ZNF827: variants seen among roughly 807,000 people sequenced by gnomAD.
ZNF827 encodes zinc finger protein 827.
In ZNF827, 13 loss-of-function variants were observed where a neutral mutation model predicts 102.4. That is an observed-to-expected ratio of 0.13 (90% confidence interval 0.08 to 0.20). The LOEUF is 0.20. Ranked by LOEUF, ZNF827 falls within the 10% of genes least tolerant of loss-of-function variation. The probability of loss-of-function intolerance (pLI) is 1.00; values close to 1 mark genes in which losing one functional copy is unlikely to be tolerated. For synonymous variants in ZNF827, 523 were observed against 536.2 expected, an observed-to-expected ratio of 0.98 and a Z score of 0.34; for missense variants, 1,103 against 1,344.4, an observed-to-expected ratio of 0.82 and a Z score of 2.81.
intron 1 of ZNF827, among the ~76,000 whole-genome samples, chr4:145,937,745 C>A (rs1463348248): frequency 1.4e-5 from 2 of 146,784 alleles, no homozygotes; most frequent in Non-Finnish European, 3.0e-5. Context: ...CTGCTCCAGC[C>A]GCCGCCGCCG....
rs1751454319 is a variant in ZNF827, at chr4:145,902,037, G to T, written c.1093+129C>A. 4.2e-6 allele frequency: 5 copies of T among 1,196,662 alleles called. No homozygotes were observed. The highest frequency in any genetic ancestry group is 5.7e-6 in the Non-Finnish European group (5 of 874,652). 74.1% of individuals were successfully genotyped at this position (1,196,662 alleles called of 1,614,324 possible). A position where few individuals can be genotyped will look rare whatever the true frequency, so the allele number is the denominator to read the frequency against. ...TATGCTGCTTACTTAAAGTATTTTT[G>T]TTGTGCTCTTGCTTTTTTATTCCTG... On this transcript the variant is annotated intron_variant, in intron 2 of 14. Coordinates refer to ENST00000508784, the MANE Select transcript of ZNF827 (RefSeq NM_001306215.2). The surrounding 1 kb of genome is among the most constrained non-coding windows in gnomAD (Gnocchi z 4.3).
At chr4:145,901,292 C>A (rs951859319) in intron 2 of ZNF827, among the ~76,000 whole-genome samples, 1 of 152,206 alleles carries the variant, frequency 6.6e-6, no homozygotes, top group Non-Finnish European at 1.5e-5. Context: ...GAAACCCCAA[C>A]ACGCATCCCA....
rs187990327 is a variant in ZNF827 at position 145,759,585 on chromosome 4, C to T, written c.*2031G>A. 1 of 152,218 alleles carries T rather than the reference C, an allele frequency of 6.6e-6. No homozygotes were observed. The highest frequency in any genetic ancestry group is 2.4e-5 in the African/African-American group (1 of 41,516). The allele number at this position is 152,218 out of a possible 1,614,324, so 9.4% of individuals were successfully genotyped here. A position where few individuals can be genotyped will look rare whatever the true frequency, so the allele number is the denominator to read the frequency against. ...ACTGAACCATAGGACTAAACAGCAC[C>T]TTTTTGTTGCGTCATTATATGTCAA... On this transcript the variant is annotated 3_prime_UTR_variant, in exon 15 of 15. Coordinates refer to ENST00000508784, the MANE Select transcript of ZNF827 (RefSeq NM_001306215.2).
chr4:145,894,909 T>A (rs918342956), intron 2 of ZNF827, among the ~76,000 whole-genome samples: 1 of 152,188 alleles, frequency 6.6e-6, no homozygotes, highest in African/African-American at 2.4e-5. Flanking sequence ...TCATGAAGAC[T>A]ACAAGATGAA....
chr4:145,794,391 G>T (rs1031562500), intron 8 of ZNF827, among the ~76,000 whole-genome samples: 21 of 152,142 alleles, frequency 1.4e-4, no homozygotes, highest in African/African-American at 4.6e-4. Context: ...AACATCTAGA[G>T]ATATTTACAT....
chr4:145,776,644 A>G (rs4583779), intron 9 of ZNF827, among the ~76,000 whole-genome samples: 118,254 of 151,884 alleles, frequency 0.78, 47,095 homozygotes, highest in African/African-American at 0.87. Context: ...TGTGTCAGTC[A>G]TGGGTGAGTG....
In ZNF827 at chr4:145,846,932, T is replaced by A. The variant is rs528934659; in HGVS notation, c.2222-919A>T. On this transcript the variant is annotated intron_variant, in intron 6 of 14. Coordinates refer to ENST00000508784, the MANE Select transcript of ZNF827 (RefSeq NM_001306215.2). ...ACTTTGGGAGGCCGAGGCAGGTGGA[T>A]CACCTGAGGTCAGGAGTTCAAGACC... Among the ~76,000 whole-genome samples the A allele has an allele frequency of 3.2e-3, 468 of 147,052 alleles. 1 individual carries two copies. The highest frequency in any genetic ancestry group is 0.011 in the African/African-American group (427 of 39,928).
At chr4:145,917,700 C>CAAAAAAAACA (rs1752757018) in intron 1 of ZNF827, among the ~76,000 whole-genome samples, 1 of 46,856 alleles carries the variant, frequency 2.1e-5, no homozygotes, top group African/African-American at 7.6e-5. Context: ...GGTAGCTGGT[C>CAAAAAAAACA]AAAAAAAAAA....
chr4:145,894,329 G>A (rs1024545227), intron 2 of ZNF827, among the ~76,000 whole-genome samples: 1 of 152,176 alleles, frequency 6.6e-6, no homozygotes, highest in East Asian at 1.9e-4. Flanking sequence ...AGTTACCACT[G>A]AAGGATTGTG....
chr4:145,912,941 T>A (rs1197207161), intron 1 of ZNF827, among the ~76,000 whole-genome samples: 8 of 152,212 alleles, frequency 5.3e-5, no homozygotes. Context: ...TTTCCTGAAT[T>A]TGTTCACCTC....
intron 4 of ZNF827, among the ~76,000 whole-genome samples, chr4:145,875,298 A>G: frequency 6.6e-6 from 1 of 152,178 alleles, no homozygotes; most frequent in East Asian, 1.9e-4. Flanking sequence ...TGAGGAAACT[A>G]AGGTCCTAAA....
intron 1 of ZNF827, among the ~76,000 whole-genome samples, chr4:145,923,068 A>G (rs1753189388): frequency 6.6e-6 from 1 of 152,206 alleles, no homozygotes; most frequent in South Asian, 2.1e-4. Context: ...CAAATGTCCA[A>G]CACAAGATGT....
chr4:145,826,510 C>T (rs943852398), intron 7 of ZNF827, among the ~76,000 whole-genome samples: 3 of 152,172 alleles, frequency 2.0e-5, no homozygotes, highest in African/African-American at 7.2e-5. Context: ...CAGTTATCCA[C>T]AGTACAGTAC....
chr4:145,899,805 A>G (rs1449422209), intron 2 of ZNF827, among the ~76,000 whole-genome samples: 2 of 152,230 alleles, frequency 1.3e-5, no homozygotes, highest in Admixed American at 6.5e-5. Context: ...GGGAGGCCTT[A>G]GGTACAAGTC....
rs1231181377 is a variant in ZNF827 at position 145,885,488 on chromosome 4, T to C, written c.1747+190A>G. On this transcript the variant is annotated intron_variant, in intron 4 of 14. Coordinates refer to ENST00000508784, the MANE Select transcript of ZNF827 (RefSeq NM_001306215.2). ...CAAAGCAATACTACTTCCAAAGGAT[T>C]ACACACACACAAAGTCAAGGAGAAA... Among the ~76,000 whole-genome samples, 3 of 152,048 alleles carry C rather than the reference T, an allele frequency of 2.0e-5. No individual in the cohort carries two copies. The East Asian group carries it at 5.8e-4, about 29-fold the overall frequency.
chr4:145,836,292 C>A (rs867800010), intron 7 of ZNF827, among the ~76,000 whole-genome samples: 14 of 151,660 alleles, frequency 9.2e-5, no homozygotes, highest in Non-Finnish European at 1.9e-4. Flanking sequence ...GCATGGTTAG[C>A]GCGGTCAGAA....
rs1351663887 is a variant in ZNF827 at position 145,902,293 on chromosome 4, C to A, written c.966G>T (p.Lys322Asn). The A allele has an allele frequency of 1.3e-6, 2 of 1,591,068 alleles. No individual in the cohort carries two copies. The highest frequency in any genetic ancestry group is 1.8e-5 in the Admixed American group (1 of 56,850). ...GTGGCGGAGTGACTTTTTCTGGTTT[C>A]TTCTCTGAAGGCGGGGGCGGTAGAG... ...EDPLPPPPSE[K>N]KPEKVTPPPP... is the part of the protein sequence containing the mutation. Residue 322 changes from lysine (K) to asparagine (N), a missense_variant, in exon 2 of 15, where the codon AAG becomes AAT. Transcript: ENST00000508784. This position sits in a 1 kb window ranked among gnomAD's most constrained non-coding sequence, Gnocchi z 4.3.
intron 1 of ZNF827, among the ~76,000 whole-genome samples, chr4:145,932,613 C>T (rs1329331299): frequency 1.3e-5 from 2 of 152,004 alleles, no homozygotes; most frequent in East Asian, 3.9e-4. Flanking sequence ...TAGCTGGGAC[C>T]TCAGGCGCCC....
intron 8 of ZNF827, among the ~76,000 whole-genome samples, chr4:145,807,251 A>G (rs1741543459): frequency 1.3e-5 from 2 of 152,214 alleles, no homozygotes; most frequent in Admixed American, 1.3e-4. Context: ...ATAATTATTA[A>G]GCTTACGGCC....
Sources: allele counts gnomAD v4.1 joint callset (sites outside exome capture counted in the v4.1 genomes callset), GRCh38; gene constraint gnomAD v4.1.1; non-coding constraint Gnocchi (gnomAD v3.1); transcripts MANE v1.5; gene names NCBI Gene and HGNC (gene_info 2026-07-23, HGNC 2026-07-21).